Variants in DOK6 observed in about 807,000 individuals in gnomAD.
DOK6 encodes the protein downstream of tyrosine kinase 6.
In DOK6, 22 loss-of-function variants were observed where a neutral mutation model predicts 44.0. That is an observed-to-expected ratio of 0.50 (90% CI 0.36 to 0.71). DOK6 has a LOEUF of 0.71. Among genes scored for constraint, DOK6 ranks in the 30% least tolerant of loss-of-function variants. The probability of loss-of-function intolerance (pLI) is 0.00; values close to 1 mark genes in which losing one functional copy is unlikely to be tolerated. For synonymous variants in DOK6, 166 were observed against 145.5 expected, an observed-to-expected ratio of 1.14 and a Z score of -1.01; for missense variants, 340 against 416.4, an observed-to-expected ratio of 0.82 and a Z score of 1.60.
intron 1 of DOK6, among the ~76,000 whole-genome samples, chr18:69,492,065 C>G (rs1017105169): frequency 3.9e-5 from 6 of 152,132 alleles, no homozygotes; most frequent in Admixed American, 3.9e-4. Context: ...ATGCCAGCAG[C>G]AGATAGAAAA....
rs552937661 is a variant in DOK6, at chr18:69,685,859, C to G, written c.409+8006C>G. On this transcript the variant is annotated intron_variant, in intron 4 of 7. Coordinates refer to ENST00000382713, the MANE Select transcript of DOK6 (RefSeq NM_152721.6). The stretch of plus-strand genomic sequence containing the variant: ...AACCTTTGCATTCATTCCTTTTGGT[C>G]ATGTGTGGCTTCTTTTCTTAGTCGG... Among the ~76,000 whole-genome samples, 24 of 152,230 alleles carry G rather than the reference C, an allele frequency of 1.6e-4. 1 individual carries two copies. The East Asian group carries it at 4.6e-3, about 29-fold the overall frequency.
intron 1 of DOK6, among the ~76,000 whole-genome samples, chr18:69,546,103 A>C (rs56892286): frequency 0.45 from 67,365 of 150,310 alleles, 16,610 homozygotes; most frequent in East Asian, 0.64. Context: ...CATCGAGAAA[A>C]CCCATCTCTA....
intron 7 of DOK6, among the ~76,000 whole-genome samples, chr18:69,836,211 T>A (rs1470549818): frequency 6.6e-6 from 1 of 152,356 alleles, no homozygotes; most frequent in East Asian, 1.9e-4. Flanking sequence ...TGGTTTGGAT[T>A]TTTTATGATA....
rs558807846 is a variant in DOK6 at position 69,834,908 on chromosome 18, G to A, written c.857-6336G>A. ...GTTTTGCATGGCTGGGGAGGCCTCA[G>A]GAAAGTTACAATCATGGCGAAAGGG... On this transcript the variant is annotated intron_variant, in intron 7 of 7. Transcript: ENST00000382713. 2.6e-5 allele frequency among the ~76,000 whole-genome samples: 4 copies of A among 152,304 alleles called. No homozygotes were observed. The South Asian group carries it at 8.3e-4, about 32-fold the overall frequency.
At chr18:69,551,866 A>G (rs1436588450) in intron 1 of DOK6, among the ~76,000 whole-genome samples, 1 of 152,196 alleles carries the variant, frequency 6.6e-6, no homozygotes, top group Non-Finnish European at 1.5e-5. Context: ...TTCCAAATTG[A>G]TTATTAATGT....
intron 1 of DOK6, among the ~76,000 whole-genome samples, chr18:69,436,771 C>G (rs913373147): frequency 1.1e-4 from 17 of 152,190 alleles, no homozygotes; most frequent in African/African-American, 3.6e-4. Flanking sequence ...TTTACACTCC[C>G]ACCAACAGTG....
At chr18:69,504,660 CAAT>C (rs1981134177) in intron 1 of DOK6, among the ~76,000 whole-genome samples, 1 of 151,988 alleles carries the variant, frequency 6.6e-6, no homozygotes, top group Non-Finnish European at 1.5e-5. Flanking sequence ...CTTTTTTCTT[CAAT>C]AAAAGTGACA....
intron 1 of DOK6, among the ~76,000 whole-genome samples, chr18:69,499,003 G>A (rs1365924022): frequency 6.6e-6 from 1 of 152,142 alleles, no homozygotes; most frequent in African/African-American, 2.4e-5. Context: ...TAACTATAGA[G>A]ATTCTCAACT....
At chr18:69,761,838 A>T (rs1979565609) in intron 7 of DOK6, among the ~76,000 whole-genome samples, 1 of 152,152 alleles carries the variant, frequency 6.6e-6, no homozygotes, top group South Asian at 2.1e-4. Flanking sequence ...CAAATATGTT[A>T]GCAGTGGCAG....
At chr18:69,756,638 G>A (rs547169881) in intron 6 of DOK6, among the ~76,000 whole-genome samples, 19 of 152,264 alleles carry the variant, frequency 1.2e-4, no homozygotes, top group African/African-American at 4.3e-4. Context: ...GTCATATCAG[G>A]TACTTTCCTG....
intron 7 of DOK6, among the ~76,000 whole-genome samples, chr18:69,827,180 TTC>T (rs1434207783): frequency 1.3e-5 from 2 of 152,140 alleles, no homozygotes; most frequent in East Asian, 3.8e-4. Flanking sequence ...CATTCAAAGC[TTC>T]CTATCACCTA....
intron 7 of DOK6, 41 bp from the exon 8 acceptor site, chr18:69,841,203 G>C: frequency 6.2e-7 from 1 of 1,612,110 alleles, no homozygotes; most frequent in Non-Finnish European, 8.5e-7. Flanking sequence ...TTGTGCTTCT[G>C]AATCTGTTTC....
At chr18:69,542,117 C>G (rs952458502) in intron 1 of DOK6, among the ~76,000 whole-genome samples, 1 of 151,350 alleles carries the variant, frequency 6.6e-6, no homozygotes, top group African/African-American at 2.4e-5. Context: ...TGGATGCTCT[C>G]AAAGGTGCCA....
chr18:69,423,809 T>C (rs1433130052), intron 1 of DOK6, among the ~76,000 whole-genome samples: 1 of 152,226 alleles, frequency 6.6e-6, no homozygotes, highest in African/African-American at 2.4e-5. Flanking sequence ...CATAATTTGC[T>C]GTGTTTCAGA....
intron 2 of DOK6, among the ~76,000 whole-genome samples, chr18:69,566,470 A>C (rs918677918): frequency 2.0e-5 from 3 of 152,194 alleles, no homozygotes; most frequent in African/African-American, 7.2e-5. Context: ...AACAGGAAAA[A>C]TTGTCAAGAA....
At chr18:69,736,900 C>T (rs1225035846) in intron 5 of DOK6, among the ~76,000 whole-genome samples, 4 of 152,118 alleles carry the variant, frequency 2.6e-5, no homozygotes, top group Non-Finnish European at 5.9e-5. Context: ...ATGTGAGTCA[C>T]CTTGGGGTGT....
At chr18:69,568,356 C>T (rs1371722325) in intron 2 of DOK6, among the ~76,000 whole-genome samples, 1 of 152,182 alleles carries the variant, frequency 6.6e-6, no homozygotes, top group African/African-American at 2.4e-5. Flanking sequence ...GGATGTTTAC[C>T]TCGGCCTGTA....
At chr18:69,759,125 A>C (rs929466587) in intron 7 of DOK6, among the ~76,000 whole-genome samples, 2 of 151,164 alleles carry the variant, frequency 1.3e-5, no homozygotes, top group African/African-American at 4.8e-5. Context: ...GTATGATAAA[A>C]TATTTAACAG....
At chr18:69,560,666 C>T (rs1475706921) in intron 1 of DOK6, among the ~76,000 whole-genome samples, 1 of 152,142 alleles carries the variant, frequency 6.6e-6, no homozygotes, top group Non-Finnish European at 1.5e-5. Flanking sequence ...TGAACAAGGT[C>T]TGTTGCCAAG....
Sources: allele counts gnomAD v4.1 joint callset (sites outside exome capture counted in the v4.1 genomes callset), GRCh38; gene constraint gnomAD v4.1.1; transcripts MANE v1.5; gene names NCBI Gene and HGNC (gene_info 2026-07-23, HGNC 2026-07-21).